Variants in C1orf52 observed in about 807,000 individuals in gnomAD.
C1orf52 encodes the protein chromosome 1 open reading frame 52, also known as UPF0690 protein C1orf52.
A neutral mutation model predicts 17.2 loss-of-function variants in C1orf52; 5 were observed. The ratio of observed to expected loss-of-function variants is 0.29; its 90% confidence interval spans 0.15 to 0.61. The LOEUF (loss-of-function observed/expected upper bound fraction) is 0.61, where lower values mean the gene tolerates loss of function less well. Ranked by LOEUF, C1orf52 falls within the 20% of genes least tolerant of loss-of-function variation. The pLI, the probability that C1orf52 is intolerant of heterozygous loss-of-function variation, is 0.85. For missense variants in C1orf52, 245 were observed against 234.1 expected, an observed-to-expected ratio of 1.05 and a Z score of -0.30; for synonymous variants, 110 against 88.0, an observed-to-expected ratio of 1.25 and a Z score of -1.40.
rs1659821337 is a variant in C1orf52 at position 85,252,374 on chromosome 1, CA to C, written c.*254del. The C allele has an allele frequency of 2.4e-6, 1 of 419,346 alleles. No homozygotes were observed. The highest frequency in any genetic ancestry group is 3.5e-5 in the South Asian group (1 of 28,558). 26.0% of individuals were successfully genotyped at this position (419,346 alleles called of 1,614,324 possible). ...TGACAAAACTCTCAAAGCATGTCACCAATTCTGTGAGAGCAAGAATGCATCC... is the reference window on the plus strand; with the variant it reads ...TGACAAAACTCTCAAAGCATGTCACCATTCTGTGAGAGCAAGAATGCATCC... On this transcript the variant is annotated 3_prime_UTR_variant, in exon 3 of 3. Coordinates refer to ENST00000471115, the MANE Select transcript of C1orf52 (RefSeq NM_198077.4).
intron 2 of C1orf52, chr1:85,257,442 T>A: frequency 1.4e-6 from 1 of 717,278 alleles, no homozygotes; most frequent in Non-Finnish European, 2.6e-6. Flanking sequence ...AACCATACAA[T>A]TCAGTTCTGG....
At chr1:85,259,071 G>T (rs1034576421) in intron 1 of C1orf52, 10 of 1,347,614 alleles carry the variant, frequency 7.4e-6, no homozygotes, top group Admixed American at 3.2e-5. Flanking sequence ...GCTGCAGCGG[G>T]GGGGGCGGGG....
Position 85,251,086 on chromosome 1 carries a change from A to C in C1orf52, c.*1543T>G, listed in dbSNP as rs951488490. ...ATGGCTGATGCAATCACTCTTAATG[A>C]CTTTTATGAATTTTAATCTACTTGA... is the stretch of plus-strand genomic sequence containing the variant. On this transcript the variant is annotated 3_prime_UTR_variant, in exon 3 of 3. Coordinates refer to ENST00000471115, the MANE Select transcript of C1orf52 (RefSeq NM_198077.4). The C allele has an allele frequency of 6.6e-6, 1 of 152,252 alleles. No individual in the cohort carries two copies. Among genetic ancestry groups the C allele is most frequent in the Admixed American group, 6.5e-5 (1 of 15,294 alleles). 9.4% of individuals were successfully genotyped at this position (152,252 alleles called of 1,614,324 possible).
rs768195544 is a variant in C1orf52, at chr1:85,259,367, C to T, written c.267G>A (p.Ala89=). The change falls in exon 1 of 3, where the codon GCG becomes GCA. Residue 89 remains alanine (A), a synonymous_variant. Transcript: ENST00000471115. The part of the protein sequence containing the change: ...QIDWERHVVK[A]PEEPPKEFKI... ...GGGTCGGGGACCTCACCTCCTCAGG[C>T]GCCTTGACGACGTGCCTCTCCCAGT... is the stretch of plus-strand genomic sequence containing the variant. 22 of 1,611,038 alleles carry T rather than the reference C, an allele frequency of 1.4e-5. No homozygotes were observed. In the South Asian group the frequency reaches 1.9e-4, roughly 14 times the overall value.
At chr1:85,259,327 C>A in intron 1 of C1orf52, 31 bp downstream of exon 1, 1 of 1,600,050 alleles carries the variant, frequency 6.2e-7, no homozygotes, top group Non-Finnish European at 8.5e-7. Context: ...AGGCCGGGGC[C>A]GAGACCGAGA....
chr1:85,254,105 T>C (rs1007643641), intron 2 of C1orf52, among the ~76,000 whole-genome samples: 9 of 152,206 alleles, frequency 5.9e-5, no homozygotes, highest in African/African-American at 2.2e-4. Flanking sequence ...AAGCCTTCAA[T>C]TCCCTTCTGC....
At position 85,259,388 on chromosome 1, in the gene C1orf52, C is replaced by T. The variant is rs773748841; in HGVS notation, c.246G>A (p.Trp82Ter). The change falls in exon 1 of 3, where the codon TGG (tryptophan) becomes TGA (stop). Residue 82 changes from tryptophan to a stop codon, truncating the protein, a stop_gained. Transcript: ENST00000471115. LOFTEE classifies it high-confidence loss of function. The part of the protein sequence containing the change: ...LYNPLNKQID[W>*]ERHVVKAPEE... The stretch of plus-strand genomic sequence containing the variant: ...CAGGCGCCTTGACGACGTGCCTCTC[C>T]CAGTCTATCTGTTTGTTGAGCGGAT... 1 of 1,613,714 alleles carries T rather than the reference C, an allele frequency of 6.2e-7. No homozygotes were observed. Among genetic ancestry groups the T allele is most frequent in the Non-Finnish European group, 8.5e-7 (1 of 1,179,692 alleles).
In C1orf52 at chr1:85,258,697, T is replaced by C. The variant is rs768025391; in HGVS notation, c.302A>G (p.Lys101Arg). 2.5e-6 allele frequency: 4 copies of C among 1,601,220 alleles called. No individual in the cohort carries two copies. The highest frequency in any genetic ancestry group is 3.4e-6 in the Non-Finnish European group (4 of 1,175,006). The change falls in exon 2 of 3, where the codon AAG (lysine) becomes AGG (arginine). Residue 101 changes from lysine to arginine, a missense_variant. Lys to Arg is a conservative substitution (Grantham distance 26). Transcript: ENST00000471115. Reference sequence around the variant, plus strand: ...CTCAGGAGGTGGTACATAATTTGACTTCCATATTTTGAATTCCTTTGGAGG... The same window carrying C: ...CTCAGGAGGTGGTACATAATTTGACCTCCATATTTTGAATTCCTTTGGAGG... ...EEPPKEFKIW[K>R]SNYVPPPETY... is the part of the protein sequence containing the mutation.
At chr1:85,257,499 T>C (rs1401541508) in intron 2 of C1orf52, 1 of 716,940 alleles carries the variant, frequency 1.4e-6, no homozygotes, top group Non-Finnish European at 2.6e-6. Context: ...AAAATGACTG[T>C]GGACAGGGAG....
At chr1:85,256,814 A>AAAAAAAAAAAAAAAAAG (rs1553178011) in intron 2 of C1orf52, among the ~76,000 whole-genome samples, 2 of 108,178 alleles carry the variant, frequency 1.8e-5, no homozygotes, top group South Asian at 2.8e-4. Context: ...AAAAAAAAAA[A>AAAAAAAAAAAAAAAAAG]AAAAGAAAAG....
rs1659827904 is a variant in C1orf52 at position 85,252,647 on chromosome 1, TG to T, written c.530del (p.Pro177GlnfsTer10). 2.5e-6 allele frequency: 4 copies of T among 1,613,478 alleles called. No individual in the cohort carries two copies. The highest frequency in any genetic ancestry group is 1.7e-5 in the Admixed American group (1 of 59,972). ...TTTGTTTCTACTTTTTCTTCTTTGC[TG>T]GTTCTCCTGGCTCTACTTTGCGCTT... ...SKKRKVEPGE[P>X]AKKKK On this transcript the variant is annotated frameshift_variant, in exon 3 of 3. Coordinates refer to ENST00000471115, the MANE Select transcript of C1orf52 (RefSeq NM_198077.4). LOFTEE classifies it high-confidence loss of function.
Position 85,252,592 on chromosome 1 carries a change from A to G in C1orf52, c.*37T>C, listed in dbSNP as rs1659825814. The stretch of plus-strand genomic sequence containing the variant: ...TTAATCTGTCCAAAGAAACATTTCA[A>G]CAAGTTTAGCAGTACAGAAATTCTG... On this transcript the variant is annotated 3_prime_UTR_variant, in exon 3 of 3. Coordinates refer to ENST00000471115, the MANE Select transcript of C1orf52 (RefSeq NM_198077.4). 1.9e-6 allele frequency: 3 copies of G among 1,542,220 alleles called. No individual in the cohort carries two copies. The Admixed American group carries it at 5.1e-5, about 26-fold the overall frequency.
At chr1:85,252,754 T>A in intron 2 of C1orf52, 52 bp from the exon 3 acceptor site, 1 of 1,320,156 alleles carries the variant, frequency 7.6e-7, no homozygotes, top group Non-Finnish European at 1.1e-6. Context: ...AAACCCAACA[T>A]GTTAAGCATT....
At position 85,251,712 on chromosome 1, in the gene C1orf52, A is replaced by C. The variant is rs1420161266; in HGVS notation, c.*917T>G. ...TTCAAATTTAACTGAATGTCCTGTA[A>C]ACTTACAATTTAATAAAGAAATTAA... On this transcript the variant is annotated 3_prime_UTR_variant, in exon 3 of 3. Transcript: ENST00000471115. 6.6e-6 allele frequency: 1 copy of C among 152,196 alleles called. No homozygotes were observed. The highest frequency in any genetic ancestry group is 1.9e-4 in the East Asian group (1 of 5,200). The allele number at this position is 152,196 out of a possible 1,614,324, so 9.4% of individuals were successfully genotyped here. A position where few individuals can be genotyped will look rare whatever the true frequency, so the allele number is the denominator to read the frequency against.
chr1:85,258,081 T>C (rs150794466), intron 2 of C1orf52, among the ~76,000 whole-genome samples: 3,525 of 150,720 alleles, frequency 0.023, 94 homozygotes, highest in East Asian at 0.11. Context: ...GATGGCGCCA[T>C]TGCACTCCAG....
At chr1:85,259,092 T>C (rs1456776151) in intron 1 of C1orf52, 2 of 1,351,208 alleles carry the variant, frequency 1.5e-6, no homozygotes, top group African/African-American at 1.5e-5. Context: ...GAGTCACCAC[T>C]GTTAGTCCTC....
rs562767560 is a variant in C1orf52, at chr1:85,258,924, CT to C, written c.277-203del. ...TTCCCTATATGAATAAAGCTAATAA[CT>C]TTTAGTTACCAAAGAAGAATCCAGT... On this transcript the variant is annotated intron_variant, in intron 1 of 2. Transcript: ENST00000471115. 4.3e-4 allele frequency: 611 copies of C among 1,417,254 alleles called. 2 individuals are homozygous for C. The Middle Eastern group carries it at 5.0e-3, about 11-fold the overall frequency. 87.8% of individuals were successfully genotyped at this position (1,417,254 alleles called of 1,614,324 possible).
chr1:85,258,654 C>T lies in C1orf52; in HGVS notation c.345G>A (p.Lys115=). 1.9e-6 allele frequency: 3 copies of T among 1,613,922 alleles called. No individual in the cohort carries two copies. Among genetic ancestry groups the T allele is most frequent in the Non-Finnish European group, 2.5e-6 (3 of 1,179,978 alleles). ...VPPPETYTTE[K]KPPPPELDMA... ...TGTCAAGCTCTGGAGGCGGAGGCTT[C>T]TTCTCAGTGGTGTAGGTCTCAGGAG... The change falls in exon 2 of 3, where the codon AAG becomes AAA. Residue 115 remains lysine (K), a synonymous_variant. Transcript: ENST00000471115.
At chr1:85,255,334 G>A (rs1018187000) in intron 2 of C1orf52, among the ~76,000 whole-genome samples, 1 of 152,074 alleles carries the variant, frequency 6.6e-6, no homozygotes. Flanking sequence ...GGCGGATCAC[G>A]AGGTCAGGAG....
Sources: gnomAD v4.1 joint callset for allele counts (sites outside exome capture counted in the v4.1 genomes callset) on GRCh38, gnomAD v4.1.1 for gene constraint, MANE v1.5 for transcripts, NCBI Gene and HGNC (gene_info 2026-07-23, HGNC 2026-07-21) for gene names.